The following STAU2 variants were observed in gnomAD, a reference collection of about 807,000 sequenced individuals.
STAU2 encodes staufen double-stranded RNA binding protein 2.
A neutral mutation model predicts 65.9 loss-of-function variants in STAU2; 20 were observed. The observed-to-expected ratio is 0.30, with a 90% confidence interval of 0.21 to 0.44. The LOEUF (loss-of-function observed/expected upper bound fraction) is 0.44, where lower values mean the gene tolerates loss of function less well. Among genes scored for constraint, STAU2 ranks in the 20% least tolerant of loss-of-function variants. STAU2 has a pLI of 1.00. For missense variants in STAU2, 558 were observed against 683.9 expected, an observed-to-expected ratio of 0.82 and a Z score of 2.05; for synonymous variants, 232 against 233.9, an observed-to-expected ratio of 0.99 and a Z score of 0.07.
intron 13 of STAU2, among the ~76,000 whole-genome samples, chr8:73,535,636 G>T (rs1352834986): frequency 6.6e-6 from 1 of 152,114 alleles, no homozygotes; most frequent in Admixed American, 6.5e-5. Flanking sequence ...TACCAGAAAA[G>T]GCACTTCCCT....
At chr8:73,503,788 C>T (rs6472783) in intron 13 of STAU2, among the ~76,000 whole-genome samples, 91,289 of 151,786 alleles carry the variant, frequency 0.6, 27,896 homozygotes, top group African/African-American at 0.7. Context: ...TTGGCTGAGA[C>T]TGAGAAATGT....
intron 5 of STAU2, among the ~76,000 whole-genome samples, chr8:73,685,561 A>G (rs1017372974): frequency 6.6e-6 from 1 of 151,964 alleles, no homozygotes; most frequent in Non-Finnish European, 1.5e-5. Context: ...TATTTTTAGT[A>G]GAGACAGGGT....
chr8:73,505,183 T>G (rs556084634), intron 13 of STAU2, among the ~76,000 whole-genome samples: 25 of 152,256 alleles, frequency 1.6e-4, no homozygotes, highest in African/African-American at 5.8e-4. Context: ...TGAGCCAGTG[T>G]GGCAGGCTTA....
At chr8:73,424,125 G>A (rs1228610885) in intron 13 of STAU2, among the ~76,000 whole-genome samples, 1 of 138,930 alleles carries the variant, frequency 7.2e-6, no homozygotes, top group African/African-American at 2.7e-5. Flanking sequence ...CCATATAGCA[G>A]TTGGGATCAT....
chr8:73,521,581 G>T (rs539960172), intron 13 of STAU2, among the ~76,000 whole-genome samples: 233 of 152,142 alleles, frequency 1.5e-3, no homozygotes, highest in African/African-American at 5.3e-3. Context: ...ATGATTTTTT[G>T]ACTTTAAAAT....
At chr8:73,594,881 T>C (rs1271683221) in intron 11 of STAU2, among the ~76,000 whole-genome samples, 2 of 152,212 alleles carry the variant, frequency 1.3e-5, no homozygotes, top group African/African-American at 4.8e-5. Context: ...ACTGTGTCTA[T>C]ATGGCAAAAA....
At chr8:73,638,972 T>A (rs1814760392) in intron 6 of STAU2, among the ~76,000 whole-genome samples, 1 of 151,944 alleles carries the variant, frequency 6.6e-6, no homozygotes, top group African/African-American at 2.4e-5. Flanking sequence ...TCTGAAAACA[T>A]AAAAAACTGC....
At chr8:73,713,697 A>G (rs966322682) in intron 3 of STAU2, among the ~76,000 whole-genome samples, 6 of 151,386 alleles carry the variant, frequency 4.0e-5, no homozygotes, top group African/African-American at 9.7e-5. Context: ...AACGCATGAG[A>G]AAAAACAGCA....
In STAU2 at chr8:73,631,049, T is replaced by C. The variant is rs75662678; in HGVS notation, c.411-13598A>G. Reference sequence around the variant, plus strand: ...TCTAGGAGATCTGACATTTGGTTCATTGGTCACTCAAGAATGCCAATCTAG... The same window carrying C: ...TCTAGGAGATCTGACATTTGGTTCACTGGTCACTCAAGAATGCCAATCTAG... On this transcript the variant is annotated intron_variant, in intron 6 of 14. Transcript: ENST00000524300. 1.4e-4 allele frequency among the ~76,000 whole-genome samples: 21 copies of C among 152,208 alleles called. No individual in the cohort carries two copies. In the East Asian group the frequency reaches 2.9e-3, roughly 21 times the overall value.
At position 73,479,249 on chromosome 8, in the gene STAU2, T is replaced by C. The variant is rs572948988; in HGVS notation, c.1531-56547A>G. ...AGTAATTCCTTAATACCATCAAACA[T>C]CAGTGTTCAAATTTCCCCTACTGTT... On this transcript the variant is annotated intron_variant, in intron 13 of 14. Coordinates refer to ENST00000524300, the MANE Select transcript of STAU2 (RefSeq NM_001164380.2). Among the ~76,000 whole-genome samples the C allele has an allele frequency of 2.6e-5, 4 of 152,272 alleles. No homozygotes were observed. The South Asian group carries it at 8.3e-4, about 32-fold the overall frequency.
At chr8:73,451,858 T>C (rs570602855) in intron 13 of STAU2, among the ~76,000 whole-genome samples, 2 of 152,344 alleles carry the variant, frequency 1.3e-5, no homozygotes, top group South Asian at 4.1e-4. Context: ...AAACCGTGTC[T>C]ATTTCAAAGG....
At chr8:73,549,585 TAA>T in intron 13 of STAU2, 1 of 741,664 alleles carries the variant, frequency 1.3e-6, no homozygotes, top group African/African-American at 1.9e-5. Flanking sequence ...GAAACAAAAT[TAA>T]AAGTTAAAAC....
rs138482936 is a variant in STAU2 at position 73,713,694 on chromosome 8, G to A, written c.-17-4532C>T. Among the ~76,000 whole-genome samples, 103 of 152,168 alleles carry A rather than the reference G, an allele frequency of 6.8e-4. 1 individual carries two copies. Among genetic ancestry groups the A allele is most frequent in the African/African-American group, 2.2e-3 (90 of 41,534 alleles). ...AAAACTGGCAGAATACAGAACGCAT[G>A]AGAAAAAACAGCAGAATAAAACTAT... is the stretch of plus-strand genomic sequence containing the variant. On this transcript the variant is annotated intron_variant, in intron 3 of 14. Transcript: ENST00000524300.
At position 73,476,309 on chromosome 8, in the gene STAU2, C is replaced by T. The variant is rs141327036; in HGVS notation, c.1531-53607G>A. The stretch of plus-strand genomic sequence containing the variant: ...TTAAGAACATTTGGATTATTTTTAT[C>T]TTATGATGCTCTTTCAAGGACTATT... On this transcript the variant is annotated intron_variant, in intron 13 of 14. Coordinates refer to ENST00000524300, the MANE Select transcript of STAU2 (RefSeq NM_001164380.2). Among the ~76,000 whole-genome samples, 487 of 152,228 alleles carry T rather than the reference C, an allele frequency of 3.2e-3. 11 individuals are homozygous for T. The East Asian group carries it at 0.035, about 11-fold the overall frequency.
At chr8:73,625,873 T>C (rs950406570) in intron 6 of STAU2, among the ~76,000 whole-genome samples, 1 of 151,404 alleles carries the variant, frequency 6.6e-6, no homozygotes, top group Non-Finnish European at 1.5e-5. Context: ...TAAAGGGAAG[T>C]GTAAAAGACC....
intron 13 of STAU2, chr8:73,550,512 T>C: frequency 1.0e-6 from 1 of 986,432 alleles, no homozygotes. Context: ...CTCTCAGACA[T>C]TTCTAAATGA....
chr8:73,594,077 C>T (rs1811011627), intron 11 of STAU2, among the ~76,000 whole-genome samples: 1 of 152,082 alleles, frequency 6.6e-6, no homozygotes, highest in Non-Finnish European at 1.5e-5. Context: ...TTATAGATCA[C>T]TCACCAGTTT....
chr8:73,609,639 C>A (rs1005117612), intron 9 of STAU2, among the ~76,000 whole-genome samples: 10 of 151,628 alleles, frequency 6.6e-5, no homozygotes, highest in African/African-American at 2.2e-4. Flanking sequence ...GGCAACAGAG[C>A]GAGACCCTGT....
intron 13 of STAU2, among the ~76,000 whole-genome samples, chr8:73,485,199 C>T (rs1820851875): frequency 7.8e-6 from 1 of 128,038 alleles, no homozygotes; most frequent in South Asian, 2.6e-4. Flanking sequence ...ATCACCCAGG[C>T]TGGAGTGATA....
Sources: allele counts gnomAD v4.1 joint callset (sites outside exome capture counted in the v4.1 genomes callset), GRCh38; gene constraint gnomAD v4.1.1; transcripts MANE v1.5; gene names NCBI Gene and HGNC (gene_info 2026-07-23, HGNC 2026-07-21).